Variants in DPP6 observed in about 807,000 individuals in gnomAD.
DPP6 encodes dipeptidyl peptidase like 6, also known as A-type potassium channel modulatory protein DPP6.
In DPP6, 69 loss-of-function variants were observed where a neutral mutation model predicts 122.6. The observed-to-expected ratio is 0.56, with a 90% confidence interval of 0.46 to 0.69. The LOEUF is 0.69. Ranked by LOEUF, DPP6 falls within the 30% of genes least tolerant of loss-of-function variation. The probability of loss-of-function intolerance (pLI) is 0.00; values close to 1 mark genes in which losing one functional copy is unlikely to be tolerated. For synonymous variants in DPP6, 418 were observed against 433.1 expected (o/e 0.97, Z 0.43); for missense variants, 928 against 1,116.9 (o/e 0.83, Z 2.41).
intron 6 of DPP6, among the ~76,000 whole-genome samples, chr7:154,662,693 G>A (rs1837819805): frequency 9.6e-6 from 1 of 104,188 alleles, no homozygotes; most frequent in African/African-American, 3.5e-5. Context: ...ATTGGGCGTA[G>A]TGTTCATATA....
chr7:154,430,996 A>G (rs1818310020), intron 1 of DPP6, among the ~76,000 whole-genome samples: 1 of 152,204 alleles, frequency 6.6e-6, no homozygotes, highest in African/African-American at 2.4e-5. Context: ...GATCCTGATG[A>G]TGTCCTGTGC....
intron 5 of DPP6, among the ~76,000 whole-genome samples, chr7:154,578,801 G>C (rs1236388180): frequency 6.6e-6 from 1 of 152,158 alleles, no homozygotes; most frequent in African/African-American, 2.4e-5. Context: ...AAGGGAGTAA[G>C]TAGTAAGTAC....
At position 153,927,004 on chromosome 7, in the gene DPP6, A is replaced by T. The variant is rs570893517; in HGVS notation, c.51+39270A>T. Among the ~76,000 whole-genome samples, 834 of 146,018 alleles carry T rather than the reference A, an allele frequency of 5.7e-3. 6 individuals are homozygous for T. The highest frequency in any genetic ancestry group is 0.019 in the African/African-American group (764 of 40,108). ...TGCTGATATTTATTTTTTAAGTTAAATTTTTTTTTTTTTTTACTGAAAGTA... is the reference window on the plus strand; with the variant it reads ...TGCTGATATTTATTTTTTAAGTTAATTTTTTTTTTTTTTTTACTGAAAGTA... On this transcript the variant is annotated intron_variant, in intron 1 of 25. Coordinates refer to the DPP6 transcript ENST00000404039.
At chr7:154,318,187 T>C (rs538145344) in intron 1 of DPP6, among the ~76,000 whole-genome samples, 259 of 152,362 alleles carry the variant, frequency 1.7e-3, no homozygotes, top group Non-Finnish European at 2.9e-3. Flanking sequence ...TGGTCTCAAA[T>C]CAGCTAGTGT....
chr7:153,894,039 T>G (rs1669092156), intron 1 of DPP6, among the ~76,000 whole-genome samples: 1 of 152,128 alleles, frequency 6.6e-6, no homozygotes, highest in African/African-American at 2.4e-5. Flanking sequence ...TTGGAGCAGG[T>G]GCTATGTGTC....
intron 1 of DPP6, among the ~76,000 whole-genome samples, chr7:154,248,156 G>A (rs1802111448): frequency 6.6e-6 from 1 of 152,058 alleles, no homozygotes; most frequent in South Asian, 2.1e-4. Context: ...CATTCACAAA[G>A]GCTCCCCCTC....
At chr7:154,361,750 C>T (rs922460065) in intron 1 of DPP6, among the ~76,000 whole-genome samples, 8 of 152,190 alleles carry the variant, frequency 5.3e-5, no homozygotes, top group African/African-American at 1.9e-4. Context: ...GGTAAGCCCT[C>T]GGGCATACAC....
intron 16 of DPP6, among the ~76,000 whole-genome samples, chr7:154,836,736 C>T (rs557980926): frequency 2.6e-5 from 4 of 152,258 alleles, no homozygotes; most frequent in South Asian, 2.1e-4. Context: ...AGATGAGTTT[C>T]GCTCTTGTCA....
chr7:153,947,376 T>C (rs1398963391), intron 1 of DPP6, among the ~76,000 whole-genome samples: 1 of 152,170 alleles, frequency 6.6e-6, no homozygotes, highest in African/African-American at 2.4e-5. Flanking sequence ...TCTTCTCGGC[T>C]TGTAGCTGGC....
chr7:153,964,814 TTCCTTTCC>T, intron 1 of DPP6, among the ~76,000 whole-genome samples: 1 of 45,262 alleles, frequency 2.2e-5, no homozygotes, highest in Non-Finnish European at 3.4e-5. Flanking sequence ...TTCCTTTCCT[TTCCTTTCC>T]TTTCCTTTTC....
At chr7:154,575,334 GGT>G (rs1361367629) in intron 5 of DPP6, among the ~76,000 whole-genome samples, 1 of 112,348 alleles carries the variant, frequency 8.9e-6, no homozygotes, top group Non-Finnish European at 1.8e-5. Flanking sequence ...ATGTGTGTGT[GGT>G]GTGTGTATGT....
In DPP6 at chr7:154,878,811, C is replaced by T. The variant is rs143308183; in HGVS notation, c.2079-2077C>T. On this transcript the variant is annotated intron_variant, in intron 20 of 25. Transcript: ENST00000377770. ...TGGGCTCAACTTGGGATTTTCTTCACGATTGTTTCTTTTGGGTCCTACGTG... is the reference window on the plus strand; with the variant it reads ...TGGGCTCAACTTGGGATTTTCTTCATGATTGTTTCTTTTGGGTCCTACGTG... Among the ~76,000 whole-genome samples the T allele has an allele frequency of 3.9e-3, 589 of 152,332 alleles. 3 individuals carry two copies. The highest frequency in any genetic ancestry group is 0.014 in the African/African-American group (563 of 41,580).
chr7:154,198,948 C>T (rs1010296758), intron 1 of DPP6, among the ~76,000 whole-genome samples: 1 of 152,038 alleles, frequency 6.6e-6, no homozygotes, highest in Non-Finnish European at 1.5e-5. Context: ...CCCATGAACA[C>T]AATCACAGTT....
At chr7:154,515,978 T>C (rs1375948781) in intron 3 of DPP6, among the ~76,000 whole-genome samples, 2 of 152,168 alleles carry the variant, frequency 1.3e-5, no homozygotes, top group Non-Finnish European at 2.9e-5. Context: ...TCTTCAGAGC[T>C]CAGTAAATTT....
the DPP6 span, among the ~76,000 whole-genome samples, chr7:153,805,811 T>TACATCATGTCTGC: frequency 4.6e-5 from 7 of 151,854 alleles, no homozygotes; most frequent in African/African-American, 1.5e-4. Flanking sequence ...ATGAGAACAC[T>TACATCATGTCTGC]TGGACACAGG....
chr7:154,687,862 C>T (rs770600697), intron 7 of DPP6, among the ~76,000 whole-genome samples: 10 of 152,226 alleles, frequency 6.6e-5, no homozygotes, highest in African/African-American at 1.9e-4. Flanking sequence ...AAGGGTGTGA[C>T]GCATGCTTAC....
chr7:154,273,629 G>T (rs1803939143), intron 1 of DPP6, among the ~76,000 whole-genome samples: 1 of 152,164 alleles, frequency 6.6e-6, no homozygotes, highest in African/African-American at 2.4e-5. Context: ...TTACTTGATT[G>T]TGCCCCATTT....
At chr7:154,533,465 T>G (rs2130147028) in intron 3 of DPP6, among the ~76,000 whole-genome samples, 1 of 152,282 alleles carries the variant, frequency 6.6e-6, no homozygotes, top group Non-Finnish European at 1.5e-5. Context: ...CAAAGAAAAC[T>G]TCATGCCCAG....
chr7:154,457,974 A>T lies in DPP6; in HGVS notation c.358+11646A>T, dbSNP rs1250910912. On this transcript the variant is annotated intron_variant, in intron 2 of 25. Transcript: ENST00000377770. ...GTACCCTAAAACTTAGAGTATAATA[A>T]AAAAAAAAAAAAAGAAGGAAATAGA... 2.7e-5 allele frequency among the ~76,000 whole-genome samples: 4 copies of T among 146,912 alleles called. 1 individual carries two copies. The highest frequency in any genetic ancestry group is 6.0e-5 in the Non-Finnish European group (4 of 66,438).
Sources: allele counts gnomAD v4.1 joint callset (sites outside exome capture counted in the v4.1 genomes callset), GRCh38; gene constraint gnomAD v4.1.1; transcripts MANE v1.5; gene names NCBI Gene and HGNC (gene_info 2026-07-23, HGNC 2026-07-21).